Variants in SEMA3E observed in about 807,000 individuals in gnomAD.
SEMA3E encodes the protein semaphorin-3E.
SEMA3E carries 49 observed loss-of-function variants against 93.6 expected under a neutral mutation model. That is an observed-to-expected ratio of 0.52 (90% CI 0.42 to 0.66). The LOEUF (loss-of-function observed/expected upper bound fraction) is 0.66. Ranked by LOEUF, SEMA3E falls within the 30% of genes least tolerant of loss-of-function variation. SEMA3E has a pLI of 0.00. For missense variants in SEMA3E, 906 were observed against 964.8 expected, an observed-to-expected ratio of 0.94 and a Z score of 0.81; for synonymous variants, 363 against 330.7, an observed-to-expected ratio of 1.10 and a Z score of -1.06.
chr7:83,628,661 G>A (rs1336050124), intron 1 of SEMA3E, among the ~76,000 whole-genome samples: 1 of 151,648 alleles, frequency 6.6e-6, no homozygotes, highest in Non-Finnish European at 1.5e-5. Flanking sequence ...CTCTAAACTG[G>A]TTATTCTAGT....
intron 1 of SEMA3E, among the ~76,000 whole-genome samples, chr7:83,510,134 C>T (rs1790787256): frequency 6.6e-6 from 1 of 151,990 alleles, no homozygotes; most frequent in African/African-American, 2.4e-5. Context: ...TTTGGAATGG[C>T]CATCAAACCA....
chr7:83,393,354 C>T (rs2723036), intron 13 of SEMA3E, among the ~76,000 whole-genome samples: 86,800 of 151,802 alleles, frequency 0.57, 28,506 homozygotes, highest in East Asian at 0.85. Context: ...GGCAACATGG[C>T]GAAACCCTGT....
chr7:83,648,177 T>A (rs1476651783), intron 1 of SEMA3E, among the ~76,000 whole-genome samples: 1 of 152,012 alleles, frequency 6.6e-6, no homozygotes, highest in Admixed American at 6.6e-5. Context: ...ATTGATAAAA[T>A]CCAATGTTTA....
intron 2 of SEMA3E, among the ~76,000 whole-genome samples, chr7:83,477,760 C>A (rs1287939870): frequency 1.3e-5 from 2 of 151,958 alleles, no homozygotes; most frequent in Non-Finnish European, 2.9e-5. Context: ...ACATAAATGC[C>A]TTTCTTCTAC....
intron 16 of SEMA3E, among the ~76,000 whole-genome samples, chr7:83,369,116 G>A (rs902380237): frequency 2.0e-5 from 3 of 152,116 alleles, no homozygotes; most frequent in Non-Finnish European, 2.9e-5. Flanking sequence ...AGGATCTTAC[G>A]ATAATGGTAT....
At chr7:83,594,234 G>T (rs1422532667) in intron 1 of SEMA3E, among the ~76,000 whole-genome samples, 1 of 152,134 alleles carries the variant, frequency 6.6e-6, no homozygotes, top group African/African-American at 2.4e-5. Context: ...GTGTAAGAAG[G>T]TGAAGTGCTT....
At position 83,365,160 on chromosome 7, in the gene SEMA3E, T is replaced by C. The variant is rs1794647138; in HGVS notation, c.*2426A>G. On this transcript the variant is annotated 3_prime_UTR_variant, in exon 17 of 17. Coordinates refer to ENST00000643230, the MANE Select transcript of SEMA3E (RefSeq NM_012431.3). ...TGTGAGGGGTGTGTGTGTGTGTGTG[T>C]TGGGAGAGAGAGGGAGAAACTGAGA... 1 of 152,058 alleles carries C rather than the reference T, an allele frequency of 6.6e-6. No homozygotes were observed. Among genetic ancestry groups the C allele is most frequent in the African/African-American group, 2.4e-5 (1 of 41,388 alleles). The allele number at this position is 152,058 out of a possible 1,614,324, so 9.4% of individuals were successfully genotyped here.
chr7:83,535,303 G>A (rs1791390810), intron 1 of SEMA3E, among the ~76,000 whole-genome samples: 1 of 152,092 alleles, frequency 6.6e-6, no homozygotes, highest in Non-Finnish European at 1.5e-5. Flanking sequence ...CATCAACCAT[G>A]CTTCCTGCCT....
intron 1 of SEMA3E, among the ~76,000 whole-genome samples, chr7:83,618,204 AG>A (rs1322413677): frequency 6.6e-6 from 1 of 152,040 alleles, no homozygotes; most frequent in Non-Finnish European, 1.5e-5. Context: ...TTAACAATGA[AG>A]TAGCTACTGT....
chr7:83,464,802 C>T (rs1444605711), intron 4 of SEMA3E, among the ~76,000 whole-genome samples: 2 of 144,782 alleles, frequency 1.4e-5, no homozygotes, highest in African/African-American at 2.5e-5. Flanking sequence ...TAGGTTCCCA[C>T]GCCGCCCCTA....
chr7:83,555,469 A>C (rs1791867482), intron 1 of SEMA3E, among the ~76,000 whole-genome samples: 1 of 152,222 alleles, frequency 6.6e-6, no homozygotes, highest in Admixed American at 6.5e-5. Flanking sequence ...GTGTTTTATT[A>C]GATAAAATTG....
chr7:83,395,729 T>C (rs965942049), intron 12 of SEMA3E, among the ~76,000 whole-genome samples: 13 of 151,830 alleles, frequency 8.6e-5, no homozygotes, highest in African/African-American at 3.1e-4. Context: ...CTGTTTAATG[T>C]TCCTAAATTC....
intron 1 of SEMA3E, among the ~76,000 whole-genome samples, chr7:83,501,771 CA>C (rs1426350159): frequency 1.3e-5 from 2 of 152,176 alleles, no homozygotes; most frequent in Non-Finnish European, 2.9e-5. Flanking sequence ...TTTTCTCTAG[CA>C]AAAACTTTAT....
At chr7:83,389,509 C>T (rs1351698045) in intron 14 of SEMA3E, among the ~76,000 whole-genome samples, 2 of 124,720 alleles carry the variant, frequency 1.6e-5, no homozygotes, top group African/African-American at 2.5e-5. Context: ...AAAAGAAAGA[C>T]ATCACATTCT....
chr7:83,444,961 G>A (rs1789196245), intron 4 of SEMA3E, among the ~76,000 whole-genome samples: 1 of 152,266 alleles, frequency 6.6e-6, no homozygotes, highest in Admixed American at 6.5e-5. Flanking sequence ...GTGAGCCACC[G>A]TGACCAGCCT....
chr7:83,467,954 G>T (rs886150744), intron 3 of SEMA3E, among the ~76,000 whole-genome samples: 2 of 152,142 alleles, frequency 1.3e-5, no homozygotes, highest in South Asian at 4.1e-4. Context: ...ATTTTAGCAA[G>T]CATTCTTTTG....
At chr7:83,454,272 A>AAAAAAAATATATATATATAT (rs1257792756) in intron 4 of SEMA3E, among the ~76,000 whole-genome samples, 1 of 110,134 alleles carries the variant, frequency 9.1e-6, no homozygotes, top group African/African-American at 4.3e-5. Flanking sequence ...AAAAAAAAAA[A>AAAAAAAATATATATATATAT]ATATATATAT....
intron 1 of SEMA3E, among the ~76,000 whole-genome samples, chr7:83,556,390 G>A (rs1791889136): frequency 6.6e-6 from 1 of 152,080 alleles, no homozygotes; most frequent in African/African-American, 2.4e-5. Context: ...TATATATGGA[G>A]CCCCTTATTA....
At chr7:83,547,268 C>T (rs1391942377) in intron 1 of SEMA3E, among the ~76,000 whole-genome samples, 1 of 152,110 alleles carries the variant, frequency 6.6e-6, no homozygotes, top group African/African-American at 2.4e-5. Flanking sequence ...CAGAGTCAGA[C>T]ATCACAGTTG....
Sources: allele counts gnomAD v4.1 joint callset (sites outside exome capture counted in the v4.1 genomes callset), GRCh38; gene constraint gnomAD v4.1.1; transcripts MANE v1.5; gene names NCBI Gene and HGNC (gene_info 2026-07-23, HGNC 2026-07-21).